BRI3BP: variants seen among roughly 807,000 people sequenced by gnomAD.
BRI3BP encodes the protein BRI3 binding protein, also known as BRI3-binding protein.
A neutral mutation model predicts 15.8 loss-of-function variants in BRI3BP; 7 were observed. The ratio of observed to expected loss-of-function variants is 0.44; its 90% CI spans 0.25 to 0.83. The LOEUF is 0.83. Among genes scored for constraint, BRI3BP ranks in the 40% least tolerant of loss-of-function variants. The pLI is 0.20. For missense variants in BRI3BP, 320 were observed against 339.3 expected, an observed-to-expected ratio of 0.94 and a Z score of 0.45; for synonymous variants, 192 against 163.5, an observed-to-expected ratio of 1.17 and a Z score of -1.33.
rs75976243 is a variant in BRI3BP at position 125,025,568 on chromosome 12, C to T, written c.*138C>T. ...AAGTGGCGCTGTGTAGGGCTATTTC[C>T]ACCCACCCGGCAGCTCTTAGGACAC... On this transcript the variant is annotated 3_prime_UTR_variant, in exon 3 of 3. Transcript: ENST00000341446. The T allele has an allele frequency of 4.1e-3, 3,530 of 869,156 alleles. 103 individuals are homozygous for T. In the African/African-American group the frequency reaches 0.054, roughly 13 times the overall value. 53.8% of individuals were successfully genotyped at this position (869,156 alleles called of 1,614,324 possible). A position where few individuals can be genotyped will look rare whatever the true frequency, so the allele number is the denominator to read the frequency against.
Position 125,028,447 on chromosome 12 carries a change from G to T in BRI3BP, c.*3017G>T. The T allele has an allele frequency of 6.6e-6, 1 of 152,228 alleles. No individual in the cohort carries two copies. 9.4% of individuals were successfully genotyped at this position (152,228 alleles called of 1,614,324 possible). ...GGTAACATGATATCTGGGTGCTGGTGGATTGAGACCTCAAGCATCAATTCA... is the reference window on the plus strand; with the variant it reads ...GGTAACATGATATCTGGGTGCTGGTTGATTGAGACCTCAAGCATCAATTCA... On this transcript the variant is annotated 3_prime_UTR_variant, in exon 3 of 3. Transcript: ENST00000341446.
At position 125,025,024 on chromosome 12, in the gene BRI3BP, C is replaced by G. The variant is rs200314454; in HGVS notation, c.350C>G (p.Ser117Trp). 6.2e-6 allele frequency: 10 copies of G among 1,613,142 alleles called. No homozygotes were observed. The highest frequency in any genetic ancestry group is 2.2e-5 in the South Asian group (2 of 91,066). Residue 117 changes from serine to tryptophan, a missense_variant, in exon 3 of 3, where the codon TCG becomes TGG. Ser to Trp is a radical substitution (Grantham distance 177, BLOSUM62 -3). Coordinates refer to ENST00000341446, the MANE Select transcript of BRI3BP (RefSeq NM_080626.6). ...SNLSQYFSPASVSSSPARALL... is the reference protein window; with the variant it reads ...SNLSQYFSPAWVSSSPARALL... ...CTGTCCCAGTATTTCAGCCCAGCCT[C>G]GGTGTCCAGCAGCCCGGCCCGCGCG... is the stretch of plus-strand genomic sequence containing the variant.
Position 125,029,208 on chromosome 12 carries a change from A to G in BRI3BP, c.*3778A>G, listed in dbSNP as rs1003510828. ...AGCAAAGATGCTTTTGTGGAGTGCA[A>G]ACCTTTCATAAATATACTTTCCAGG... On this transcript the variant is annotated 3_prime_UTR_variant, in exon 3 of 3. Transcript: ENST00000341446. The G allele has an allele frequency of 1.3e-5, 2 of 151,934 alleles. No individual in the cohort carries two copies. Among genetic ancestry groups the G allele is most frequent in the Non-Finnish European group, 2.9e-5 (2 of 68,004 alleles). 9.4% of individuals were successfully genotyped at this position (151,934 alleles called of 1,614,324 possible).
the BRI3BP span, among the ~76,000 whole-genome samples, chr12:125,039,654 G>T: frequency 1.3e-5 from 2 of 149,742 alleles, no homozygotes; most frequent in Non-Finnish European, 1.5e-5. Flanking sequence ...TTCCAATAGG[G>T]TTTTTTTTTT....
intron 1 of BRI3BP, among the ~76,000 whole-genome samples, chr12:124,998,203 A>G (rs962128400): frequency 2.0e-5 from 3 of 151,580 alleles, no homozygotes; most frequent in African/African-American, 7.3e-5. Context: ...GAGGCAGGAG[A>G]ATAGATTGAG....
At chr12:125,003,991 AC>A (rs375376559) in intron 1 of BRI3BP, among the ~76,000 whole-genome samples, 5,502 of 74,142 alleles carry the variant, frequency 0.074, 322 homozygotes, top group African/African-American at 0.2. Flanking sequence ...ACACACACAC[AC>A]ACACACACAC....
Position 124,993,936 on chromosome 12 carries a change from C to A in BRI3BP, c.146C>A (p.Thr49Lys). Residue 49 changes from threonine (T) to lysine (K), a missense_variant, in exon 1 of 3, where the codon ACG becomes AAG. Transcript: ENST00000341446. ...GCGGAGAAGAACAGCTACCGCCGCA[C>A]GGTCAACACCTTCTCCCAGAGCGTC... ...GGAEKNSYRRTVNTFSQSVSS... is the reference protein window; with the variant it reads ...GGAEKNSYRRKVNTFSQSVSS... 2 of 1,353,806 alleles carry A rather than the reference C, an allele frequency of 1.5e-6. No individual in the cohort carries two copies. The highest frequency in any genetic ancestry group is 9.6e-7 in the Non-Finnish European group (1 of 1,040,634). The allele number at this position is 1,353,806 out of a possible 1,614,324, so 83.9% of individuals were successfully genotyped here. A position where few individuals can be genotyped will look rare whatever the true frequency, so the allele number is the denominator to read the frequency against.
At chr12:125,035,178 C>G (rs1165178577), downstream of BRI3BP, among the ~76,000 whole-genome samples, 1 of 152,148 alleles carries the variant, frequency 6.6e-6, no homozygotes, top group Non-Finnish European at 1.5e-5. Flanking sequence ...TATGAACATA[C>G]TTTTCACTTC....
chr12:125,031,938 G>T (rs762614191), downstream of BRI3BP, among the ~76,000 whole-genome samples: 1 of 152,056 alleles, frequency 6.6e-6, no homozygotes, highest in Non-Finnish European at 1.5e-5. Context: ...TGCTTTTTAC[G>T]CAAAGACAAT....
Position 125,017,836 on chromosome 12 carries a change from G to A in BRI3BP, c.316+5200G>A, listed in dbSNP as rs117832858. On this transcript the variant is annotated intron_variant, in intron 2 of 2. Transcript: ENST00000341446. ...AGGAATCGTGCTTCAGTGATGCGTCGGCACAGGGCAGGGGTTGTGTGGCTC... is the reference window on the plus strand; with the variant it reads ...AGGAATCGTGCTTCAGTGATGCGTCAGCACAGGGCAGGGGTTGTGTGGCTC... Among the ~76,000 whole-genome samples, 28 of 152,302 alleles carry A rather than the reference G, an allele frequency of 1.8e-4. 1 individual carries two copies. Among genetic ancestry groups the A allele is most frequent in the East Asian group, 7.7e-4 (4 of 5,188 alleles).
At chr12:125,042,911 G>A in the BRI3BP span, among the ~76,000 whole-genome samples, 1 of 152,116 alleles carries the variant, frequency 6.6e-6, no homozygotes, top group South Asian at 2.1e-4. Context: ...GTCTCCCAAA[G>A]TTCTGGAATT....
At chr12:125,001,326 G>A (rs1429898282) in intron 1 of BRI3BP, among the ~76,000 whole-genome samples, 1 of 151,740 alleles carries the variant, frequency 6.6e-6, no homozygotes, top group East Asian at 1.9e-4. Context: ...AAAGTGCTGG[G>A]ATTACAGGCA....
chr12:124,994,583 G>T (rs1955025312), intron 1 of BRI3BP, among the ~76,000 whole-genome samples: 1 of 152,184 alleles, frequency 6.6e-6, no homozygotes, highest in African/African-American at 2.4e-5. Flanking sequence ...CCTTTCGCGT[G>T]GAGCCTTTTG....
chr12:125,048,015 TAAA>T, the BRI3BP span, among the ~76,000 whole-genome samples: 2,775 of 137,090 alleles, frequency 0.02, 54 homozygotes, highest in African/African-American at 0.06. Context: ...TTCTTATAGT[TAAA>T]AAAAAAAAAA....
At chr12:125,023,682 G>T (rs1209374078) in intron 2 of BRI3BP, among the ~76,000 whole-genome samples, 2 of 152,134 alleles carry the variant, frequency 1.3e-5, no homozygotes, top group African/African-American at 2.4e-5. Context: ...GAGTAGCTGG[G>T]ACTACAGGTG....
intron 2 of BRI3BP, among the ~76,000 whole-genome samples, chr12:125,024,301 C>A (rs979619182): frequency 8.2e-6 from 1 of 121,342 alleles, no homozygotes; most frequent in Non-Finnish European, 1.6e-5. Context: ...GGGGAAACCA[C>A]CCCCATGATC....
chr12:124,997,577 G>C (rs1955052388), intron 1 of BRI3BP, among the ~76,000 whole-genome samples: 1 of 152,144 alleles, frequency 6.6e-6, no homozygotes, highest in South Asian at 2.1e-4. Flanking sequence ...AATTAAAGGA[G>C]ATTGGTTGGG....
rs1050605759 is a variant in BRI3BP at position 125,030,505 on chromosome 12, T to C, written c.*5075T>C. 2 of 152,240 alleles carry C rather than the reference T, an allele frequency of 1.3e-5. No individual in the cohort carries two copies. Among genetic ancestry groups the C allele is most frequent in the Non-Finnish European group, 2.9e-5 (2 of 68,048 alleles). 9.4% of individuals were successfully genotyped at this position (152,240 alleles called of 1,614,324 possible). A position where few individuals can be genotyped will look rare whatever the true frequency, so the allele number is the denominator to read the frequency against. Reference sequence around the variant, plus strand: ...AAATTTTATTCAGCATATTAAATTATTCTGTGTTTTGCTTTTCCTTGATAT... The same window carrying C: ...AAATTTTATTCAGCATATTAAATTACTCTGTGTTTTGCTTTTCCTTGATAT... On this transcript the variant is annotated 3_prime_UTR_variant, in exon 3 of 3. Coordinates refer to ENST00000341446, the MANE Select transcript of BRI3BP (RefSeq NM_080626.6).
chr12:125,011,239 A>T (rs1254746081), intron 1 of BRI3BP, among the ~76,000 whole-genome samples: 2 of 152,002 alleles, frequency 1.3e-5, no homozygotes, highest in Admixed American at 1.3e-4. Context: ...CCCCATAGAT[A>T]CCTTGGTCAG....
Sources: gnomAD v4.1 joint callset for allele counts (sites outside exome capture counted in the v4.1 genomes callset) on GRCh38, gnomAD v4.1.1 for gene constraint, MANE v1.5 for transcripts, NCBI Gene and HGNC (gene_info 2026-07-23, HGNC 2026-07-21) for gene names.